The following KCNN2 variants were observed in gnomAD, a reference collection of about 807,000 sequenced individuals.
KCNN2 encodes the protein small conductance calcium-activated potassium channel protein 2.
Under a neutral mutation model 55.5 loss-of-function variants are expected in KCNN2, and 24 were observed. The observed-to-expected ratio is 0.43, with a 90% CI of 0.31 to 0.61. The LOEUF is 0.61. Among genes scored for constraint, KCNN2 ranks in the 20% least tolerant of loss-of-function variants. The pLI, the probability that KCNN2 is intolerant of heterozygous loss-of-function variation, is 0.08. For missense variants in KCNN2, 754 were observed against 853.6 expected, an observed-to-expected ratio of 0.88 and a Z score of 1.45; for synonymous variants, 431 against 336.1, an observed-to-expected ratio of 1.28 and a Z score of -3.09.
At chr5:114,310,436 A>G (rs963383196) in intron 2 of KCNN2, among the ~76,000 whole-genome samples, 1 of 152,240 alleles carries the variant, frequency 6.6e-6, no homozygotes, top group African/African-American at 2.4e-5. Context: ...TAAACACATT[A>G]AAGTGAGGAC....
chr5:114,317,656 A>C lies in KCNN2; in HGVS notation c.-184-43289A>C, dbSNP rs1457552827. On this transcript the variant is annotated intron_variant, in intron 2 of 10. Transcript: ENST00000512097. ...CCATTCTGAAGAGTCCTGCACCTCCATGAGTTATGTGCTACAGAAAGTCTT... is the reference window on the plus strand; with the variant it reads ...CCATTCTGAAGAGTCCTGCACCTCCCTGAGTTATGTGCTACAGAAAGTCTT... 2.0e-5 allele frequency among the ~76,000 whole-genome samples: 3 copies of C among 152,140 alleles called. No homozygotes were observed. In the South Asian group the frequency reaches 6.2e-4, roughly 31 times the overall value.
At chr5:114,349,791 A>G (rs2150039750) in intron 2 of KCNN2, among the ~76,000 whole-genome samples, 1 of 152,168 alleles carries the variant, frequency 6.6e-6, no homozygotes, top group Admixed American at 6.5e-5. Flanking sequence ...GTTGAGTAAA[A>G]TGGTATGTTT....
chr5:114,308,808 A>T (rs1454665714), intron 2 of KCNN2, among the ~76,000 whole-genome samples: 2 of 152,210 alleles, frequency 1.3e-5, no homozygotes, highest in South Asian at 2.1e-4. Flanking sequence ...TGAAAAATTT[A>T]AAAATCCCTA....
At chr5:114,155,846 T>C (rs1752622351) in intron 1 of KCNN2, among the ~76,000 whole-genome samples, 1 of 152,174 alleles carries the variant, frequency 6.6e-6, no homozygotes, top group Admixed American at 6.6e-5. Flanking sequence ...TTCACTCTGT[T>C]GGTAGTTTCT....
chr5:114,299,339 G>C (rs79576843), intron 2 of KCNN2, among the ~76,000 whole-genome samples: 2,226 of 152,184 alleles, frequency 0.015, 64 homozygotes, highest in African/African-American at 0.051. Context: ...TACACTAATG[G>C]CTTAGGCTTG....
chr5:114,289,065 A>G (rs189567401), intron 2 of KCNN2, among the ~76,000 whole-genome samples: 120 of 152,254 alleles, frequency 7.9e-4, no homozygotes, highest in Middle Eastern at 3.4e-3. Context: ...GAACGTGGAT[A>G]TACAGTTTTA....
chr5:114,219,663 T>C (rs1754089955), intron 1 of KCNN2, among the ~76,000 whole-genome samples: 1 of 151,988 alleles, frequency 6.6e-6, no homozygotes, highest in African/African-American at 2.4e-5. Context: ...GATGTAACAT[T>C]CAAGCAGGAA....
chr5:114,323,297 T>C (rs1358494430), intron 2 of KCNN2, among the ~76,000 whole-genome samples: 2 of 152,196 alleles, frequency 1.3e-5, no homozygotes, highest in African/African-American at 2.4e-5. Flanking sequence ...TACCCAGCTG[T>C]GAAACTTCAA....
chr5:114,286,336 G>A (rs1485898757), intron 2 of KCNN2, among the ~76,000 whole-genome samples: 3 of 152,110 alleles, frequency 2.0e-5, no homozygotes, highest in Non-Finnish European at 2.9e-5. Context: ...AGTTAGAGAT[G>A]TTTGAAAGGA....
intron 2 of KCNN2, among the ~76,000 whole-genome samples, chr5:114,317,290 C>G (rs1756519128): frequency 6.6e-6 from 1 of 151,702 alleles, no homozygotes; most frequent in Admixed American, 6.6e-5. Context: ...TAAGGAAATA[C>G]ACTTTTTTAC....
intron 2 of KCNN2, among the ~76,000 whole-genome samples, chr5:114,344,375 G>A (rs1561578819): frequency 6.6e-6 from 1 of 152,128 alleles, no homozygotes; most frequent in African/African-American, 2.4e-5. Flanking sequence ...AAGAGTGTAG[G>A]GTAAGGTCTG....
chr5:114,415,578 A>G (rs1420792289), intron 3 of KCNN2, among the ~76,000 whole-genome samples: 2 of 152,214 alleles, frequency 1.3e-5, no homozygotes, highest in Non-Finnish European at 2.9e-5. Context: ...TAGTCTTATA[A>G]CCATTCTAGT....
intron 3 of KCNN2, among the ~76,000 whole-genome samples, chr5:114,426,862 T>C (rs995160468): frequency 2.2e-4 from 34 of 152,214 alleles, no homozygotes; most frequent in Non-Finnish European, 2.5e-4. Context: ...CCCAATCATT[T>C]CCCTCAGCTT....
chr5:114,079,629 G>A (rs1274717780), intron 1 of KCNN2, among the ~76,000 whole-genome samples: 2 of 152,084 alleles, frequency 1.3e-5, no homozygotes, highest in Non-Finnish European at 2.9e-5. Flanking sequence ...ACAGTAGAAC[G>A]TAGAACAATA....
chr5:114,330,422 A>G (rs905086116), intron 2 of KCNN2, among the ~76,000 whole-genome samples: 6 of 152,206 alleles, frequency 3.9e-5, no homozygotes, highest in African/African-American at 1.4e-4. Context: ...TACTTATTAC[A>G]TTTCTGAAAG....
At chr5:114,090,559 C>G (rs568546604) in intron 1 of KCNN2, among the ~76,000 whole-genome samples, 1 of 128,268 alleles carries the variant, frequency 7.8e-6, no homozygotes, top group Non-Finnish European at 1.7e-5. Flanking sequence ...CTCTCTCTCT[C>G]TCTATATATA....
At chr5:114,144,479 A>G (rs553238359) in intron 1 of KCNN2, among the ~76,000 whole-genome samples, 182 of 152,264 alleles carry the variant, frequency 1.2e-3, no homozygotes, top group Non-Finnish European at 2.2e-3. Context: ...TAATGTAAAA[A>G]TAAATAGTTT....
chr5:114,269,494 C>T (rs1755277381), intron 2 of KCNN2, among the ~76,000 whole-genome samples: 1 of 144,176 alleles, frequency 6.9e-6, no homozygotes. Context: ...TGGTTCTCAC[C>T]TTTTTTTTTT....
chr5:114,485,306 C>T (rs1762396457), intron 5 of KCNN2, among the ~76,000 whole-genome samples: 2 of 152,124 alleles, frequency 1.3e-5, no homozygotes, highest in Non-Finnish European at 2.9e-5. Context: ...GGGCCCCTTG[C>T]CAATCTTCCA....
Sources: allele counts gnomAD v4.1 joint callset (sites outside exome capture counted in the v4.1 genomes callset), GRCh38; gene constraint gnomAD v4.1.1; transcripts MANE v1.5; gene names NCBI Gene and HGNC (gene_info 2026-07-23, HGNC 2026-07-21).